The following PTPN3 variants were observed in gnomAD, a reference collection of about 807,000 sequenced individuals.
The protein encoded by PTPN3 is tyrosine-protein phosphatase non-receptor type 3.
Under a neutral mutation model 132.7 loss-of-function variants are expected in PTPN3, and 96 were observed. The ratio of observed to expected loss-of-function variants is 0.72; its 90% confidence interval spans 0.61 to 0.86. The LOEUF (loss-of-function observed/expected upper bound fraction) is 0.86. Among genes scored for constraint, PTPN3 ranks in the 40% least tolerant of loss-of-function variants. The pLI, the probability that PTPN3 is intolerant of heterozygous loss-of-function variation, is 0.00. For synonymous variants in PTPN3, 398 were observed against 429.0 expected, an observed-to-expected ratio of 0.93 and a Z score of 0.89; for missense variants, 1,125 against 1,159.6, an observed-to-expected ratio of 0.97 and a Z score of 0.43.
At chr9:109,523,523 C>A in the PTPN3 span, among the ~76,000 whole-genome samples, 27 of 150,474 alleles carry the variant, frequency 1.8e-4, no homozygotes, top group Non-Finnish European at 3.4e-4. Flanking sequence ...TAAGTTTCAG[C>A]CCTCCAGGCA....
chr9:109,431,174 A>G (rs75082461), intron 10 of PTPN3, among the ~76,000 whole-genome samples: 5,129 of 152,264 alleles, frequency 0.034, 279 homozygotes, highest in African/African-American at 0.12. Flanking sequence ...ACTGTGGGTG[A>G]GCCTGGGGGT....
chr9:109,510,576 A>AAAATATATAC, the PTPN3 span, among the ~76,000 whole-genome samples: 1 of 47,330 alleles, frequency 2.1e-5, no homozygotes, highest in Non-Finnish European at 4.1e-5. Context: ...AAAAAAAAAA[A>AAAATATATAC]ATATATATAT....
At chr9:109,405,308 G>A (rs1245725401) in intron 18 of PTPN3, among the ~76,000 whole-genome samples, 1 of 152,176 alleles carries the variant, frequency 6.6e-6, no homozygotes, top group Non-Finnish European at 1.5e-5. Flanking sequence ...GCTGGTCCTG[G>A]TGGCTCTGGA....
the PTPN3 span, among the ~76,000 whole-genome samples, chr9:109,536,472 C>A: frequency 6.6e-6 from 1 of 152,204 alleles, no homozygotes; most frequent in South Asian, 2.1e-4. Context: ...ACATTCAAGA[C>A]AATTTTTGTC....
the PTPN3 span, among the ~76,000 whole-genome samples, chr9:109,535,642 G>A: frequency 6.6e-6 from 1 of 152,056 alleles, no homozygotes. Flanking sequence ...GAGTAGCTGG[G>A]ACTATAGGTG....
the PTPN3 span, among the ~76,000 whole-genome samples, chr9:109,513,265 C>T: frequency 6.6e-6 from 1 of 152,152 alleles, no homozygotes; most frequent in African/African-American, 2.4e-5. Flanking sequence ...AATGATCCTC[C>T]TGCCTTGGCC....
chr9:109,406,001 A>G (rs1841530696), intron 18 of PTPN3, among the ~76,000 whole-genome samples: 1 of 152,226 alleles, frequency 6.6e-6, no homozygotes, highest in African/African-American at 2.4e-5. Flanking sequence ...AAGGTCCCCC[A>G]GCCCGCAGAG....
chr9:109,513,932 G>A, the PTPN3 span, among the ~76,000 whole-genome samples: 1 of 152,088 alleles, frequency 6.6e-6, no homozygotes, highest in Non-Finnish European at 1.5e-5. Flanking sequence ...CTGAATTTTT[G>A]TTGCTCCAGC....
chr9:109,494,052 T>C (rs1847576113), intron 1 of PTPN3, among the ~76,000 whole-genome samples: 1 of 152,066 alleles, frequency 6.6e-6, no homozygotes, highest in Admixed American at 6.5e-5. Flanking sequence ...ACAGTGGCAT[T>C]GCTCCCATCC....
intron 19 of PTPN3, among the ~76,000 whole-genome samples, chr9:109,396,750 T>C (rs1427195071): frequency 1.3e-5 from 2 of 152,022 alleles, no homozygotes; most frequent in Non-Finnish European, 2.9e-5. Flanking sequence ...GACAAAAAAT[T>C]TGAATGGTGG....
At chr9:109,389,828 G>C (rs569073612) in intron 21 of PTPN3, among the ~76,000 whole-genome samples, 2 of 152,288 alleles carry the variant, frequency 1.3e-5, no homozygotes, top group East Asian at 3.9e-4. Context: ...GTTGCACTTT[G>C]CCTTCTGCAT....
chr9:109,393,437 G>A (rs1242522287), intron 19 of PTPN3, among the ~76,000 whole-genome samples: 2 of 147,078 alleles, frequency 1.4e-5, no homozygotes, highest in African/African-American at 2.5e-5. Flanking sequence ...CCAGGCTGGA[G>A]TGAAGTGGTG....
chr9:109,405,581 T>C (rs1360150438), intron 18 of PTPN3, among the ~76,000 whole-genome samples: 1 of 152,184 alleles, frequency 6.6e-6, no homozygotes, highest in Admixed American at 6.5e-5. Flanking sequence ...CTTTCCAGTC[T>C]AAGTGCCATT....
At chr9:109,463,577 A>T in intron 1 of PTPN3, 126 bp from the exon 2 acceptor site, 3 of 756,574 alleles carry the variant, frequency 4.0e-6, no homozygotes, top group Middle Eastern at 2.4e-4. Flanking sequence ...TGAGAACTAC[A>T]TAGCAGATCA....
At chr9:109,411,583 C>T (rs1842082333) in intron 14 of PTPN3, among the ~76,000 whole-genome samples, 1 of 152,210 alleles carries the variant, frequency 6.6e-6, no homozygotes, top group African/African-American at 2.4e-5. Flanking sequence ...CCACCCTAAC[C>T]TCATCCAAAG....
intron 1 of PTPN3, among the ~76,000 whole-genome samples, chr9:109,469,979 G>A (rs1004873026): frequency 4.6e-5 from 7 of 151,692 alleles, no homozygotes; most frequent in Non-Finnish European, 7.4e-5. Flanking sequence ...GCCCTTCTCC[G>A]TGGCGCAGTC....
chr9:109,483,810 C>T (rs925535868), intron 1 of PTPN3, among the ~76,000 whole-genome samples: 4 of 152,114 alleles, frequency 2.6e-5, no homozygotes, highest in Admixed American at 6.5e-5. Flanking sequence ...GCTGGGTATA[C>T]GTTAAGCTGT....
At chr9:109,424,167 T>A (rs1281463951) in intron 12 of PTPN3, among the ~76,000 whole-genome samples, 1 of 152,222 alleles carries the variant, frequency 6.6e-6, no homozygotes, top group Non-Finnish European at 1.5e-5. Context: ...AGTGTTCCAT[T>A]GTCCCATAAG....
At chr9:109,408,693 C>T (rs1841773461) in intron 16 of PTPN3, among the ~76,000 whole-genome samples, 1 of 151,288 alleles carries the variant, frequency 6.6e-6, no homozygotes, top group South Asian at 2.1e-4. Context: ...ACGCAGATGC[C>T]CCCAGAGAGG....
Sources: gnomAD v4.1 joint callset for allele counts (sites outside exome capture counted in the v4.1 genomes callset) on GRCh38, gnomAD v4.1.1 for gene constraint, MANE v1.5 for transcripts, NCBI Gene and HGNC (gene_info 2026-07-23, HGNC 2026-07-21) for gene names.